Variants in ATG10 observed in about 807,000 individuals in gnomAD.
ATG10 encodes the protein ubiquitin-like-conjugating enzyme ATG10.
In ATG10, 30 loss-of-function variants were observed where a neutral mutation model predicts 32.1. The ratio of observed to expected loss-of-function variants is 0.94; its 90% confidence interval spans 0.70 to 1.27. The LOEUF is 1.27. Ranked by LOEUF, ATG10 falls within the 50% of genes most tolerant of loss-of-function variation. The pLI is 0.00. For synonymous variants in ATG10, 87 were observed against 91.5 expected (o/e 0.95, Z 0.28); for missense variants, 233 against 262.3 (o/e 0.89, Z 0.77).
chr5:82,234,452 G>A lies in ATG10; in HGVS notation c.454-18110G>A, dbSNP rs113723982. On this transcript the variant is annotated intron_variant, in intron 5 of 7. Coordinates refer to ENST00000282185, the MANE Select transcript of ATG10 (RefSeq NM_031482.5). ...ATCCGTAAAACCCTGCCCTAGATTC[G>A]TACCTTGAACCCCATTGCCCATGTG... Among the ~76,000 whole-genome samples, 99 of 152,194 alleles carry A rather than the reference G, an allele frequency of 6.5e-4. 1 individual carries two copies. Among genetic ancestry groups the A allele is most frequent in the African/African-American group, 2.2e-3 (91 of 41,536 alleles).
At chr5:82,049,573 A>T (rs1763341780) in intron 2 of ATG10, among the ~76,000 whole-genome samples, 2 of 152,084 alleles carry the variant, frequency 1.3e-5, no homozygotes, top group Non-Finnish European at 1.5e-5. Context: ...AAAAAAAAAG[A>T]AAACTAACTT....
chr5:82,220,015 A>G (rs1435064711), intron 5 of ATG10, among the ~76,000 whole-genome samples: 4 of 152,328 alleles, frequency 2.6e-5, no homozygotes, highest in South Asian at 4.1e-4. Context: ...CTGTAAAGGT[A>G]TCTAAGGAGT....
chr5:82,048,326 G>A (rs1053868599), intron 2 of ATG10, among the ~76,000 whole-genome samples: 3 of 144,792 alleles, frequency 2.1e-5, no homozygotes, highest in Admixed American at 7.0e-5. Context: ...CCATTTTCAC[G>A]ATATTGATTC....
At chr5:82,065,843 T>C (rs1763927788) in intron 3 of ATG10, among the ~76,000 whole-genome samples, 1 of 152,134 alleles carries the variant, frequency 6.6e-6, no homozygotes, top group Non-Finnish European at 1.5e-5. Context: ...AAATTAACCA[T>C]TATTAACTCT....
At chr5:82,158,163 A>T (rs1160106390) in intron 3 of ATG10, among the ~76,000 whole-genome samples, 1 of 152,176 alleles carries the variant, frequency 6.6e-6, no homozygotes, top group Admixed American at 6.6e-5. Flanking sequence ...CTGTCAACTT[A>T]TTGTTAATTG....
At chr5:82,163,050 T>G (rs902160757) in intron 3 of ATG10, among the ~76,000 whole-genome samples, 1 of 152,108 alleles carries the variant, frequency 6.6e-6, no homozygotes, top group Non-Finnish European at 1.5e-5. Context: ...TTTATAATAT[T>G]AAGAAAGAAA....
intron 5 of ATG10, among the ~76,000 whole-genome samples, chr5:82,179,587 T>C (rs1744157925): frequency 6.6e-6 from 1 of 152,288 alleles, no homozygotes; most frequent in African/African-American, 2.4e-5. Context: ...CTGTCAATCA[T>C]GTAAGTCATT....
intron 5 of ATG10, among the ~76,000 whole-genome samples, chr5:82,180,191 G>T (rs1174694262): frequency 6.6e-6 from 1 of 152,164 alleles, no homozygotes; most frequent in African/African-American, 2.4e-5. Flanking sequence ...GTTCCAACCT[G>T]CTCTTCTAGG....
intron 3 of ATG10, chr5:82,078,612 G>C (rs888661815): frequency 1.3e-5 from 2 of 152,156 alleles, no homozygotes; most frequent in African/African-American, 4.8e-5. Context: ...GGGGTGAACT[G>C]GCCCAGATTG....
intron 3 of ATG10, among the ~76,000 whole-genome samples, chr5:82,149,515 TAA>T (rs1278413229): frequency 6.6e-6 from 1 of 152,144 alleles, no homozygotes; most frequent in Non-Finnish European, 1.5e-5. Flanking sequence ...GAATTTATGT[TAA>T]AGTTAGGGCA....
chr5:82,029,990 A>G (rs930100310), intron 2 of ATG10, among the ~76,000 whole-genome samples: 1 of 152,202 alleles, frequency 6.6e-6, no homozygotes, highest in Admixed American at 6.5e-5. Flanking sequence ...ATATCAACTC[A>G]GGCAGTTTGT....
At chr5:81,975,549 G>A (rs114762652) in intron 1 of ATG10, among the ~76,000 whole-genome samples, 2,932 of 152,174 alleles carry the variant, frequency 0.019, 89 homozygotes, top group African/African-American at 0.067. Context: ...GTGCATGGTG[G>A]TGCACACATG....
At chr5:82,014,810 G>A (rs1762233601) in intron 2 of ATG10, among the ~76,000 whole-genome samples, 1 of 152,156 alleles carries the variant, frequency 6.6e-6, no homozygotes, top group South Asian at 2.1e-4. Context: ...TTTAATTGGA[G>A]CATTTAGCCC....
intron 3 of ATG10, among the ~76,000 whole-genome samples, chr5:82,079,001 G>A (rs1255479166): frequency 6.6e-6 from 1 of 152,096 alleles, no homozygotes; most frequent in African/African-American, 2.4e-5. Context: ...ATGCTAATGG[G>A]ACTCTGAATT....
intron 2 of ATG10, among the ~76,000 whole-genome samples, chr5:82,006,353 A>G (rs1761985192): frequency 6.6e-6 from 1 of 152,172 alleles, no homozygotes. Context: ...TTTCAAGCAT[A>G]CAAAAGTAAA....
chr5:81,981,588 C>T (rs1426723258), intron 1 of ATG10, among the ~76,000 whole-genome samples: 3 of 152,154 alleles, frequency 2.0e-5, no homozygotes, highest in East Asian at 3.8e-4. Flanking sequence ...AGGAAATTGC[C>T]TACTTTATTA....
At chr5:82,040,639 A>C (rs1170005194) in intron 2 of ATG10, among the ~76,000 whole-genome samples, 1 of 152,232 alleles carries the variant, frequency 6.6e-6, no homozygotes, top group Non-Finnish European at 1.5e-5. Context: ...TTAAAAATGC[A>C]CTAGAGGAAA....
intron 2 of ATG10, among the ~76,000 whole-genome samples, chr5:81,993,150 A>G (rs1461605365): frequency 1.3e-5 from 2 of 152,144 alleles, no homozygotes; most frequent in African/African-American, 4.8e-5. Context: ...TACTAACTGG[A>G]TTTTGGACAT....
chr5:81,998,469 A>G (rs974069567), intron 2 of ATG10, among the ~76,000 whole-genome samples: 1 of 152,176 alleles, frequency 6.6e-6, no homozygotes, highest in African/African-American at 2.4e-5. Flanking sequence ...CTATAAAGCA[A>G]CCACACAAAC....
Sources: gnomAD v4.1 joint callset for allele counts (sites outside exome capture counted in the v4.1 genomes callset) on GRCh38, gnomAD v4.1.1 for gene constraint, MANE v1.5 for transcripts, NCBI Gene and HGNC (gene_info 2026-07-23, HGNC 2026-07-21) for gene names.